The following MVD variants were observed in gnomAD, a reference collection of about 807,000 sequenced individuals.
The protein encoded by MVD is mevalonate diphosphate decarboxylase, also known as diphosphomevalonate decarboxylase.
In MVD, 52 loss-of-function variants were observed where a neutral mutation model predicts 42.4. The observed-to-expected ratio is 1.23, with a 90% CI of 0.98 to 1.55. The LOEUF (loss-of-function observed/expected upper bound fraction) is 1.55, where lower values mean the gene tolerates loss of function less well. Ranked by LOEUF, MVD falls within the 40% of genes most tolerant of loss-of-function variation. The pLI, the probability that MVD is intolerant of heterozygous loss-of-function variation, is 0.00. For missense variants in MVD, 663 were observed against 572.1 expected (o/e 1.16, Z -1.62); for synonymous variants, 287 against 243.2 (o/e 1.18, Z -1.68).
At position 88,657,957 on chromosome 16, in the gene MVD, C is replaced by T. The variant is rs1908045551; in HGVS notation, c.214G>A (p.Glu72Lys). 6.2e-7 allele frequency: 1 copy of T among 1,613,796 alleles called. No homozygotes were observed. Among genetic ancestry groups the T allele is most frequent in the Admixed American group, 1.7e-5 (1 of 60,012 alleles). The change falls in exon 3 of 10, where the codon GAG (glutamate) becomes AAG (lysine). Residue 72 changes from glutamate (E) to lysine (K), a missense_variant. Glu to Lys is a moderately conservative substitution (Grantham distance 56). Transcript: ENST00000301012. ...EDRIWLNGRE[E>K]DVGQPRLQAC... is the part of the protein sequence containing the mutation. ...TGCAGCCGCGGCTGCCCCACATCCT[C>T]CTCCCGGCCATTCAGCCAAATCCGG...
At position 88,654,692 on chromosome 16, in the gene MVD, G is replaced by C. The variant is rs755063696; in HGVS notation, c.1013C>G (p.Thr338Arg). The stretch of plus-strand genomic sequence containing the variant: ...GAGGAGGGGCGGGGTCCACACTCAC[G>C]TGTCTCCATTCGAGCCTGGGGGAAA... ...HGFPPGSNGD[T>R]FLKGLQVRPA... The change falls in exon 8 of 10, where the codon ACG becomes AGG. Residue 338 changes from threonine to arginine, a missense_variant and splice_region_variant. By Grantham distance (71) the Thr-to-Arg change is moderately conservative. Coordinates refer to ENST00000301012, the MANE Select transcript of MVD (RefSeq NM_002461.3). 1 of 1,595,638 alleles carries C rather than the reference G, an allele frequency of 6.3e-7. No homozygotes were observed. The highest frequency in any genetic ancestry group is 1.1e-5 in the South Asian group (1 of 87,978).
chr16:88,655,512 C>G (rs908947559), intron 6 of MVD, 95 bp from the exon 7 acceptor site: 7 of 1,510,770 alleles, frequency 4.6e-6, no homozygotes, highest in Non-Finnish European at 6.2e-6. Context: ...CGGCTCGAGC[C>G]CCATCTCTGC....
chr16:88,661,865 AAT>A (rs958454466), intron 1 of MVD, among the ~76,000 whole-genome samples: 1 of 149,362 alleles, frequency 6.7e-6, no homozygotes, highest in Non-Finnish European at 1.5e-5. Flanking sequence ...GTATATATAT[AAT>A]ATATATATGT....
In MVD at chr16:88,652,519, A is replaced by G; in HGVS notation, c.*6T>C. 1.9e-6 allele frequency: 3 copies of G among 1,566,514 alleles called. No homozygotes were observed. Among genetic ancestry groups the G allele is most frequent in the South Asian group, 1.2e-5 (1 of 85,310 alleles). ...TCCAAGCGGCATGCGGTCCCTGCTG[A>G]GGCAGTCAGGCAGCTGGCTTCGGCA... On this transcript the variant is annotated 3_prime_UTR_variant, in exon 10 of 10. Coordinates refer to ENST00000301012, the MANE Select transcript of MVD (RefSeq NM_002461.3).
Position 88,652,362 on chromosome 16 carries a change from C to A in MVD, c.*163G>T. 1.4e-6 allele frequency: 1 copy of A among 740,624 alleles called. No individual in the cohort carries two copies. Among genetic ancestry groups the A allele is most frequent in the Non-Finnish European group, 2.3e-6 (1 of 433,456 alleles). The allele number at this position is 740,624 out of a possible 1,614,324, so 45.9% of individuals were successfully genotyped here. A position where few individuals can be genotyped will look rare whatever the true frequency, so the allele number is the denominator to read the frequency against. On this transcript the variant is annotated 3_prime_UTR_variant, in exon 10 of 10. Coordinates refer to ENST00000301012, the MANE Select transcript of MVD (RefSeq NM_002461.3). The stretch of plus-strand genomic sequence containing the variant: ...GCGGGGACCTCTCCTGACACCTGGG[C>A]GGCCGCAGGACTCCCTGCACTGCCC...
In MVD at chr16:88,654,676, C is replaced by T. The variant is rs371376360; in HGVS notation, c.1013+16G>A. 30 of 1,585,368 alleles carry T rather than the reference C, an allele frequency of 1.9e-5. No individual in the cohort carries two copies. The highest frequency in any genetic ancestry group is 5.6e-5 in the Admixed American group (3 of 53,608). The stretch of plus-strand genomic sequence containing the variant: ...ACCATCTCCCAAAAAGGAGGAGGGG[C>T]GGGGTCCACACTCACGTGTCTCCAT... On this transcript the variant is annotated intron_variant, in intron 8 of 9. Coordinates refer to ENST00000301012, the MANE Select transcript of MVD (RefSeq NM_002461.3).
At chr16:88,658,789 T>A in intron 1 of MVD, 69 bp from the exon 2 acceptor site, 2 of 1,066,910 alleles carry the variant, frequency 1.9e-6, no homozygotes, top group South Asian at 1.4e-5. Flanking sequence ...TCCCCACAGG[T>A]GCCCCCACCC....
intron 6 of MVD, 51 bp downstream of exon 6, chr16:88,655,605 G>T: frequency 1.3e-6 from 2 of 1,541,016 alleles, no homozygotes; most frequent in African/African-American, 1.4e-5. Flanking sequence ...GGGCAGAGCC[G>T]GGCACAAGCG....
At chr16:88,660,044 CCG>C (rs1908192821) in intron 1 of MVD, among the ~76,000 whole-genome samples, 1 of 151,998 alleles carries the variant, frequency 6.6e-6, no homozygotes, top group Non-Finnish European at 1.5e-5. Flanking sequence ...GAACAGTGCC[CCG>C]CCCCCTTTCC....
chr16:88,657,665 C>A, intron 3 of MVD, 83 bp from the exon 4 acceptor site: 1 of 1,556,238 alleles, frequency 6.4e-7, no homozygotes, highest in Non-Finnish European at 8.7e-7. Context: ...GGGGTCACAG[C>A]TGAACACCAG....
chr16:88,659,785 G>T (rs1908174027), intron 1 of MVD, among the ~76,000 whole-genome samples: 1 of 152,020 alleles, frequency 6.6e-6, no homozygotes, highest in Admixed American at 6.6e-5. Flanking sequence ...GACCAATATG[G>T]TGAAACCCCA....
intron 8 of MVD, 119 bp downstream of exon 8, chr16:88,654,573 T>C: frequency 2.0e-6 from 2 of 997,378 alleles, no homozygotes; most frequent in Non-Finnish European, 2.9e-6. Context: ...CTCGGGGGAC[T>C]GCTGCCTGCC....
intron 4 of MVD, chr16:88,656,518 G>A (rs866702676): frequency 5.6e-5 from 34 of 604,544 alleles, no homozygotes; most frequent in Admixed American, 2.3e-4. Flanking sequence ...CTCTGTTCAC[G>A]GCCTGCAGAG....
rs1296264921 is a variant in MVD, at chr16:88,662,886, A to G, written c.70+125T>C. ...ACCGCCGCGCCCCTCCCTGAGCCTC[A>G]GTTTCCCCGTCTGTCGAGGCCCTGG... On this transcript the variant is annotated intron_variant, in intron 1 of 9. Transcript: ENST00000301012. 6.1e-6 allele frequency: 9 copies of G among 1,478,018 alleles called. No homozygotes were observed. In the Admixed American group the frequency reaches 1.7e-4, roughly 28 times the overall value. The allele number at this position is 1,478,018 out of a possible 1,614,324, so 91.6% of individuals were successfully genotyped here.
At chr16:88,661,192 A>T (rs1382914929) in intron 1 of MVD, among the ~76,000 whole-genome samples, 1 of 152,124 alleles carries the variant, frequency 6.6e-6, no homozygotes, top group Non-Finnish European at 1.5e-5. Flanking sequence ...AATCCTGTAC[A>T]ACTTGGAGGA....
chr16:88,656,331 T>C (rs758552713), intron 4 of MVD, 27 bp from the exon 5 acceptor site: 1 of 1,596,736 alleles, frequency 6.3e-7, no homozygotes, highest in East Asian at 2.2e-5. Flanking sequence ...TCAGGGAGGG[T>C]CCTCAGAGCT....
rs200033380 is a variant in MVD at position 88,657,537 on chromosome 16, G to C, written c.302C>G (p.Pro101Arg). The change falls in exon 4 of 10, where the codon CCG becomes CGG. Residue 101 changes from proline (P) to arginine (R), a missense_variant. Physicochemically the swap from Pro to Arg is moderately radical, Grantham distance 103. Transcript: ENST00000301012. ...CTTGCAGCTGAGGCTGGAGGGCAGC[G>C]GGTCCCCATCCCGTGAGTTCCTCCG... The part of the protein sequence containing the change: ...RKRRNSRDGD[P>R]LPSSLSCKVH... The C allele has an allele frequency of 3.6e-5, 58 of 1,612,816 alleles. No homozygotes were observed. The East Asian group carries it at 1.3e-3, about 36-fold the overall frequency.
rs1908000307 is a variant in MVD at position 88,657,429 on chromosome 16, C to T, written c.403+7G>A. 1 of 1,594,416 alleles carries T rather than the reference C, an allele frequency of 6.3e-7. No individual in the cohort carries two copies. The highest frequency in any genetic ancestry group is 8.5e-7 in the Non-Finnish European group (1 of 1,171,364). On this transcript the variant is annotated splice_region_variant and intron_variant, in intron 4 of 9. Coordinates refer to ENST00000301012, the MANE Select transcript of MVD (RefSeq NM_002461.3). ...CAGAACCCCTGCGGGTCTCTGTGGG[C>T]ACCCACCTAGGCAGGCATAGCCCGC...
chr16:88,654,350 C>G (rs1869100628), intron 8 of MVD, among the ~76,000 whole-genome samples: 1 of 152,228 alleles, frequency 6.6e-6, no homozygotes, highest in Non-Finnish European at 1.5e-5. Flanking sequence ...ATGTCGGACA[C>G]TTACGCACAC....
Sources: gnomAD v4.1 joint callset for allele counts (sites outside exome capture counted in the v4.1 genomes callset) on GRCh38, gnomAD v4.1.1 for gene constraint, MANE v1.5 for transcripts, NCBI Gene and HGNC (gene_info 2026-07-23, HGNC 2026-07-21) for gene names.